UGGT2: variants seen among roughly 807,000 people sequenced by gnomAD.
UGGT2 encodes UDP-glucose glycoprotein glucosyltransferase 2.
Under a neutral mutation model 192.1 loss-of-function variants are expected in UGGT2, and 180 were observed. That is an observed-to-expected ratio of 0.94 (90% CI 0.83 to 1.06). The LOEUF is 1.06. Among genes scored for constraint, UGGT2 ranks in the 50% least tolerant of loss-of-function variants. The pLI, the probability that UGGT2 is intolerant of heterozygous loss-of-function variation, is 0.00. For synonymous variants in UGGT2, 580 were observed against 591.0 expected (o/e 0.98, Z 0.27); for missense variants, 1,849 against 1,795.7 (o/e 1.03, Z -0.54).
rs763978613 is a variant in UGGT2, at chr13:95,937,021, G to C, written c.1880C>G (p.Pro627Arg). 2.4e-5 allele frequency: 38 copies of C among 1,606,456 alleles called. No individual in the cohort carries two copies. Among genetic ancestry groups the C allele is most frequent in the South Asian group, 7.9e-5 (7 of 89,150 alleles). Residue 627 changes from proline to arginine, a missense_variant, in exon 17 of 39, where the codon CCC becomes CGC. By Grantham distance (103) the Pro-to-Arg change is moderately radical (BLOSUM62 -2). Transcript: ENST00000376747. ...PLPQALYNGEPFKHEEMNIKE... is the reference protein window; with the variant it reads ...PLPQALYNGERFKHEEMNIKE... ...AATATTCATCTCTTCATGTTTAAAG[G>C]GTTCACCATTATAAAGAGCTTGAGG...
chr13:95,944,932 T>C (rs907581276), intron 15 of UGGT2, among the ~76,000 whole-genome samples: 3 of 151,964 alleles, frequency 2.0e-5, no homozygotes, highest in African/African-American at 7.2e-5. Flanking sequence ...TGTCCATTTA[T>C]CTCCCTTGCT....
At chr13:96,020,833 T>C (rs2052492817) in intron 4 of UGGT2, among the ~76,000 whole-genome samples, 1 of 152,208 alleles carries the variant, frequency 6.6e-6, no homozygotes, top group Admixed American at 6.5e-5. Flanking sequence ...TAAGGTATGA[T>C]TTTACCTGAC....
At chr13:95,859,363 A>G (rs767833882) in intron 33 of UGGT2, among the ~76,000 whole-genome samples, 13 of 152,108 alleles carry the variant, frequency 8.5e-5, no homozygotes, top group Admixed American at 7.9e-4. Flanking sequence ...AAAAACTACT[A>G]GCCATTCTGA....
At chr13:96,035,602 T>C (rs1227498248) in intron 1 of UGGT2, among the ~76,000 whole-genome samples, 1 of 152,038 alleles carries the variant, frequency 6.6e-6, no homozygotes, top group Admixed American at 6.6e-5. Context: ...CAACAAAAAC[T>C]ATCACCAGAG....
At chr13:95,972,755 A>T in intron 10 of UGGT2, 84 bp from the exon 11 acceptor site, 1 of 1,006,736 alleles carries the variant, frequency 9.9e-7, no homozygotes, top group South Asian at 1.5e-5. Context: ...TTCTATAAAG[A>T]GTCAGAGAGT....
At chr13:95,923,425 A>C (rs569045140) in intron 20 of UGGT2, among the ~76,000 whole-genome samples, 1 of 149,030 alleles carries the variant, frequency 6.7e-6, no homozygotes, top group African/African-American at 2.5e-5. Flanking sequence ...CTGAAGTGCA[A>C]TGGTGTGATC....
At chr13:95,936,038 G>C (rs546621007) in intron 17 of UGGT2, among the ~76,000 whole-genome samples, 5 of 152,170 alleles carry the variant, frequency 3.3e-5, no homozygotes, top group Admixed American at 2.0e-4. Flanking sequence ...GTGTTGCCCA[G>C]GCTGGTCTCA....
In UGGT2 at chr13:95,877,405, TAAA is replaced by T. The variant is rs745915819; in HGVS notation, c.3388-44_3388-42del. On this transcript the variant is annotated intron_variant, in intron 28 of 38. Transcript: ENST00000376747. ...AAAAATAATCATTGAGTAATATGAC[TAAA>T]AACCATCGAATTGCTCATGAATACA... 121 of 1,492,574 alleles carry T rather than the reference TAAA, an allele frequency of 8.1e-5. No individual in the cohort carries two copies. In the African/African-American group the frequency reaches 1.6e-3, roughly 19 times the overall value. The allele number at this position is 1,492,574 out of a possible 1,614,324, so 92.5% of individuals were successfully genotyped here. A position where few individuals can be genotyped will look rare whatever the true frequency, so the allele number is the denominator to read the frequency against.
intron 10 of UGGT2, among the ~76,000 whole-genome samples, chr13:95,982,513 G>A (rs1046778827): frequency 1.3e-5 from 2 of 152,256 alleles, no homozygotes; most frequent in South Asian, 4.1e-4. Context: ...CATGCATTAT[G>A]TAAAACATCA....
chr13:95,814,890 T>G (rs753580045), intron 38 of UGGT2, among the ~76,000 whole-genome samples: 2 of 152,194 alleles, frequency 1.3e-5, no homozygotes, highest in Non-Finnish European at 2.9e-5. Flanking sequence ...CATAGCCAAG[T>G]AGACTTTATC....
At chr13:95,987,740 T>A (rs2051333297) in intron 8 of UGGT2, among the ~76,000 whole-genome samples, 2 of 152,108 alleles carry the variant, frequency 1.3e-5, no homozygotes, top group Non-Finnish European at 2.9e-5. Flanking sequence ...GGCTAGCTAG[T>A]CCTATCAACC....
chr13:95,900,782 G>C (rs749223652), intron 22 of UGGT2, 25 bp downstream of exon 22: 14 of 1,595,722 alleles, frequency 8.8e-6, no homozygotes, highest in Non-Finnish European at 1.2e-5. Flanking sequence ...ACTGAGAAAA[G>C]AGAGCAATAG....
At chr13:96,004,962 A>C in intron 5 of UGGT2, among the ~76,000 whole-genome samples, 1 of 152,056 alleles carries the variant, frequency 6.6e-6, no homozygotes, top group Non-Finnish European at 1.5e-5. Flanking sequence ...TAGGAGTGAC[A>C]GCACTTTATT....
intron 23 of UGGT2, 92 bp downstream of exon 23, chr13:95,895,088 G>A: frequency 1.0e-5 from 13 of 1,282,978 alleles, no homozygotes. Flanking sequence ...ACCTTTACTT[G>A]TCTATATATT....
intron 20 of UGGT2, among the ~76,000 whole-genome samples, chr13:95,911,181 G>C (rs551825031): frequency 2.0e-5 from 3 of 152,270 alleles, no homozygotes; most frequent in South Asian, 4.1e-4. Flanking sequence ...GAAAGAACTA[G>C]AGAAGCAAGA....
chr13:95,818,136 C>T (rs997464858), intron 38 of UGGT2, among the ~76,000 whole-genome samples: 2 of 152,026 alleles, frequency 1.3e-5, no homozygotes, highest in East Asian at 1.9e-4. Flanking sequence ...AGTGAGCCCT[C>T]GTCTCTACTG....
intron 5 of UGGT2, among the ~76,000 whole-genome samples, chr13:95,999,850 C>G (rs1362228364): frequency 6.6e-6 from 1 of 152,122 alleles, no homozygotes; most frequent in Non-Finnish European, 1.5e-5. Context: ...CCAAATGCCA[C>G]AAATTAACAT....
At chr13:95,803,277 G>A (rs1361494026) in intron 38 of UGGT2, among the ~76,000 whole-genome samples, 1 of 151,792 alleles carries the variant, frequency 6.6e-6, no homozygotes, top group African/African-American at 2.4e-5. Flanking sequence ...TTATTTTTTT[G>A]GAGACGAAGT....
In UGGT2 at chr13:96,015,351, A is replaced by G. The variant is rs146785898; in HGVS notation, c.486-1870T>C. Among the ~76,000 whole-genome samples, 502 of 152,130 alleles carry G rather than the reference A, an allele frequency of 3.3e-3. 3 individuals carry two copies. Among genetic ancestry groups the G allele is most frequent in the African/African-American group, 0.012 (478 of 41,530 alleles). On this transcript the variant is annotated intron_variant, in intron 4 of 38. Transcript: ENST00000376747. The stretch of plus-strand genomic sequence containing the variant: ...TGCTAGGAGATAAATATTGAGGTTG[A>G]ATATAAAAGGAAAAATTAGAGGAAA...
Sources: gnomAD v4.1 joint callset for allele counts (sites outside exome capture counted in the v4.1 genomes callset) on GRCh38, gnomAD v4.1.1 for gene constraint, MANE v1.5 for transcripts, NCBI Gene and HGNC (gene_info 2026-07-23, HGNC 2026-07-21) for gene names.